Variants in SPATA2 observed in about 807,000 individuals in gnomAD.
SPATA2 encodes spermatogenesis associated 2, also known as spermatogenesis-associated protein 2.
A neutral mutation model predicts 35.4 loss-of-function variants in SPATA2; 8 were observed. The ratio of observed to expected loss-of-function variants is 0.23; its 90% CI spans 0.13 to 0.41. The LOEUF is 0.41. SPATA2 is among the 10% of genes least tolerant of loss of function. SPATA2 has a pLI of 1.00. For missense variants in SPATA2, 650 were observed against 698.7 expected (o/e 0.93, Z 0.79); for synonymous variants, 293 against 300.9 (o/e 0.97, Z 0.27).
rs2090124920 is a variant in SPATA2 at position 49,903,949 on chromosome 20, AT to A, written c.*1669del. 10 of 118,336 alleles carry A rather than the reference AT, an allele frequency of 8.5e-5. No individual in the cohort carries two copies. The highest frequency in any genetic ancestry group is 1.1e-4 in the Non-Finnish European group (6 of 56,254). The allele number at this position is 118,336 out of a possible 1,614,324, so 7.3% of individuals were successfully genotyped here. On this transcript the variant is annotated 3_prime_UTR_variant, in exon 3 of 3. Transcript: ENST00000289431. ...TATATATATATATATATATATATAT[AT>A]ATTAAAAAGAGAGCCATAGAAGATT...
In SPATA2 at chr20:49,903,898, GATAGATATAT is replaced by G. The variant is rs1459724534; in HGVS notation, c.*1711_*1720del. On this transcript the variant is annotated 3_prime_UTR_variant, in exon 3 of 3. Coordinates refer to ENST00000289431, the MANE Select transcript of SPATA2 (RefSeq NM_006038.4). ...CTGTACATCTACATGTGATCTACCA[GATAGATATAT>G]ATATATATATATATATATATATATA... 760 of 86,078 alleles carry G rather than the reference GATAGATATAT, an allele frequency of 8.8e-3. 44 individuals are homozygous for G. Among genetic ancestry groups the G allele is most frequent in the African/African-American group, 0.023 (501 of 21,456 alleles). The allele number at this position is 86,078 out of a possible 1,614,324, so 5.3% of individuals were successfully genotyped here. A position where few individuals can be genotyped will look rare whatever the true frequency, so the allele number is the denominator to read the frequency against.
At position 49,904,865 on chromosome 20, in the gene SPATA2, ATATC is replaced by A. The variant is rs1336526163; in HGVS notation, c.*750_*753del. ...ATTTATTTAAAAATAAATCTCAAAA[ATATC>A]TATTGACAGTACAGTAAGAGGGGCA... On this transcript the variant is annotated 3_prime_UTR_variant, in exon 3 of 3. Coordinates refer to ENST00000289431, the MANE Select transcript of SPATA2 (RefSeq NM_006038.4). 6.6e-6 allele frequency: 1 copy of A among 152,668 alleles called. No homozygotes were observed. Among genetic ancestry groups the A allele is most frequent in the African/African-American group, 2.4e-5 (1 of 41,464 alleles). The allele number at this position is 152,668 out of a possible 1,614,324, so 9.5% of individuals were successfully genotyped here. A position where few individuals can be genotyped will look rare whatever the true frequency, so the allele number is the denominator to read the frequency against.
intron 1 of SPATA2, among the ~76,000 whole-genome samples, chr20:49,912,934 C>T (rs1405382532): frequency 8.0e-6 from 1 of 124,300 alleles, no homozygotes; most frequent in African/African-American, 2.7e-5. Context: ...TAGACTCCGT[C>T]TCTACAAAAA....
At chr20:49,912,000 T>C (rs2090184616) in intron 1 of SPATA2, among the ~76,000 whole-genome samples, 1 of 152,028 alleles carries the variant, frequency 6.6e-6, no homozygotes, top group Non-Finnish European at 1.5e-5. Context: ...GGAATGGGGA[T>C]GGGTGGGACA....
At chr20:49,909,235 C>A (rs538559034) in intron 1 of SPATA2, among the ~76,000 whole-genome samples, 2 of 152,112 alleles carry the variant, frequency 1.3e-5, no homozygotes, top group South Asian at 4.2e-4. Context: ...GTTGGCCAGG[C>A]TGGTCTCGAA....
Position 49,905,546 on chromosome 20 carries a change from T to G in SPATA2, c.*73A>C, listed in dbSNP as rs1263467562. Reference sequence around the variant, plus strand: ...GGCCTCCGCCTCTGAGATCAATGCGTTAGTACTTCTTCACCGTGAAACCCG... The same window carrying G: ...GGCCTCCGCCTCTGAGATCAATGCGGTAGTACTTCTTCACCGTGAAACCCG... On this transcript the variant is annotated 3_prime_UTR_variant, in exon 3 of 3. Transcript: ENST00000289431. 1 of 1,535,998 alleles carries G rather than the reference T, an allele frequency of 6.5e-7. No homozygotes were observed.
In SPATA2 at chr20:49,913,956, C is replaced by A. The variant is rs112504738; in HGVS notation, c.-103+1424G>T. 6.2e-3 allele frequency among the ~76,000 whole-genome samples: 944 copies of A among 151,234 alleles called. 6 individuals are homozygous for A. The highest frequency in any genetic ancestry group is 9.3e-3 in the Non-Finnish European group (631 of 67,944). The stretch of plus-strand genomic sequence containing the variant: ...ACATCGTGGTTACAGGAGACCGAGA[C>A]AGCCCAGCGACAGAAGCTGCTAATT... On this transcript the variant is annotated intron_variant, in intron 1 of 2. Transcript: ENST00000289431.
At chr20:49,907,819 T>C (rs2090157499) in intron 2 of SPATA2, among the ~76,000 whole-genome samples, 1 of 142,532 alleles carries the variant, frequency 7.0e-6, no homozygotes, top group Admixed American at 7.0e-5. Flanking sequence ...ACAGCCTACT[T>C]CCCATACCAC....
chr20:49,910,703 T>A (rs1347779769), intron 1 of SPATA2, among the ~76,000 whole-genome samples: 1 of 151,938 alleles, frequency 6.6e-6, no homozygotes, highest in African/African-American at 2.4e-5. Context: ...TATCAGGAGG[T>A]CAACAAAATC....
chr20:49,906,763 T>C lies in SPATA2; in HGVS notation c.419A>G (p.Tyr140Cys). 6.2e-7 allele frequency: 1 copy of C among 1,614,216 alleles called. No homozygotes were observed. The highest frequency in any genetic ancestry group is 1.7e-5 in the Admixed American group (1 of 60,030). The stretch of plus-strand genomic sequence containing the variant: ...GTATGCAGTGCCCAGCTCAGGTGTG[T>C]AGCCCATGCAGCTCAGGATGGCTCG... Reference protein sequence around the residue: ...DIRAILSCMGYTPELGTAYKL... With the variant: ...DIRAILSCMGCTPELGTAYKL... Residue 140 changes from tyrosine to cysteine, a missense_variant, in exon 3 of 3, where the codon TAC becomes TGC. By Grantham distance (194) the Tyr-to-Cys change is radical (BLOSUM62 -2). Coordinates refer to ENST00000289431, the MANE Select transcript of SPATA2 (RefSeq NM_006038.4). The surrounding 1 kb of genome is among the most constrained non-coding windows in gnomAD (Gnocchi z 8.2).
In SPATA2 at chr20:49,906,897, A is replaced by C. The variant is rs753642159; in HGVS notation, c.337-52T>G. 2 of 1,554,844 alleles carry C rather than the reference A, an allele frequency of 1.3e-6. No individual in the cohort carries two copies. Among genetic ancestry groups the C allele is most frequent in the Non-Finnish European group, 1.7e-6 (2 of 1,148,732 alleles). ...GGTGGGGTTTTCTGTCAGAGACACA[A>C]GACAGAGACTATGTCAAAGCAAAGG... On this transcript the variant is annotated intron_variant, in intron 2 of 2. Transcript: ENST00000289431. The surrounding 1 kb of genome is among the most constrained non-coding windows in gnomAD (Gnocchi z 8.2).
chr20:49,913,633 T>C (rs1021937388), intron 1 of SPATA2: 2 of 152,230 alleles, frequency 1.3e-5, no homozygotes, highest in Admixed American at 6.5e-5. Flanking sequence ...GAATGCCTTA[T>C]GGCGGCGCGA....
chr20:49,915,065 T>C (rs886207025), intron 1 of SPATA2, among the ~76,000 whole-genome samples: 1 of 152,310 alleles, frequency 6.6e-6, no homozygotes, highest in Non-Finnish European at 1.5e-5. Flanking sequence ...TGGGAACCCC[T>C]GCGCGGTAAC....
rs1179756591 is a variant in SPATA2, at chr20:49,906,743, C to T, written c.439G>A (p.Ala147Thr). Reference sequence around the variant, plus strand: ...TCCACGAGCTCTCTGAGCTTGTATGCAGTGCCCAGCTCAGGTGTGTAGCCC... The same window carrying T: ...TCCACGAGCTCTCTGAGCTTGTATGTAGTGCCCAGCTCAGGTGTGTAGCCC... ...CMGYTPELGT[A>T]YKLRELVETL... The change falls in exon 3 of 3, where the codon GCA becomes ACA. Residue 147 changes from alanine (A) to threonine (T), a missense_variant. Coordinates refer to ENST00000289431, the MANE Select transcript of SPATA2 (RefSeq NM_006038.4). The surrounding 1 kb of genome is among the most constrained non-coding windows in gnomAD (Gnocchi z 8.2). 2 of 1,614,218 alleles carry T rather than the reference C, an allele frequency of 1.2e-6. No homozygotes were observed. The highest frequency in any genetic ancestry group is 1.7e-6 in the Non-Finnish European group (2 of 1,180,044).
Position 49,906,625 on chromosome 20 carries a change from T to C in SPATA2, c.557A>G (p.Lys186Arg), listed in dbSNP as rs1192673544. The change falls in exon 3 of 3, where the codon AAG (lysine) becomes AGG (arginine). Residue 186 changes from lysine (K) to arginine (R), a missense_variant. Transcript: ENST00000289431. The surrounding 1 kb of genome is among the most constrained non-coding windows in gnomAD (Gnocchi z 8.2). ...CACAATGTCCAGCTCGGAGTAGCCC[T>C]TGTCCTTCACTTGTGAGTGGATTTC... The part of the protein sequence containing the change: ...MLEIHSQVKD[K>R]GYSELDIVSE... 6.2e-7 allele frequency: 1 copy of C among 1,614,242 alleles called. No homozygotes were observed. Among genetic ancestry groups the C allele is most frequent in the Non-Finnish European group, 8.5e-7 (1 of 1,180,038 alleles).
At position 49,903,935 on chromosome 20, in the gene SPATA2, A is replaced by C. The variant is rs1600851176; in HGVS notation, c.*1684T>G. 8.0e-6 allele frequency: 1 copy of C among 125,770 alleles called. No individual in the cohort carries two copies. Among genetic ancestry groups the C allele is most frequent in the Non-Finnish European group, 1.7e-5 (1 of 59,984 alleles). The allele number at this position is 125,770 out of a possible 1,614,324, so 7.8% of individuals were successfully genotyped here. On this transcript the variant is annotated 3_prime_UTR_variant, in exon 3 of 3. Coordinates refer to ENST00000289431, the MANE Select transcript of SPATA2 (RefSeq NM_006038.4). ...TATATATATATATATATATATATAT[A>C]TATATATATATATATATTAAAAAGA...
Position 49,905,785 on chromosome 20 carries a change from G to C in SPATA2, c.1397C>G (p.Pro466Arg). ...CTGGGTGCAGGTGTTGGTGGCGCCT[G>C]GGCGGTTGCAGAAGCCACAGCGGGA... Reference protein sequence around the residue: ...PTSRCGFCNRPGATNTCTQCS... With the variant: ...PTSRCGFCNRRGATNTCTQCS... The change falls in exon 3 of 3, where the codon CCA (proline) becomes CGA (arginine). Residue 466 changes from proline (P) to arginine (R), a missense_variant. By Grantham distance (103) the Pro-to-Arg change is moderately radical (BLOSUM62 -2). Coordinates refer to ENST00000289431, the MANE Select transcript of SPATA2 (RefSeq NM_006038.4). The C allele has an allele frequency of 6.2e-7, 1 of 1,614,234 alleles. No individual in the cohort carries two copies. Among genetic ancestry groups the C allele is most frequent in the East Asian group, 2.2e-5 (1 of 44,896 alleles).
Position 49,905,332 on chromosome 20 carries a change from CAAAA to C in SPATA2, c.*283_*286del. The C allele has an allele frequency of 2.3e-6, 1 of 440,310 alleles. No homozygotes were observed. Among genetic ancestry groups the C allele is most frequent in the Non-Finnish European group, 4.0e-6 (1 of 247,290 alleles). The allele number at this position is 440,310 out of a possible 1,614,324, so 27.3% of individuals were successfully genotyped here. On this transcript the variant is annotated 3_prime_UTR_variant, in exon 3 of 3. Coordinates refer to ENST00000289431, the MANE Select transcript of SPATA2 (RefSeq NM_006038.4). ...AACAAAACAACAAAACAAAACAAAA[CAAAA>C]CCCCAAAAAAAGAACCAACTGAACA... is the stretch of plus-strand genomic sequence containing the variant.
chr20:49,908,446 T>C lies in SPATA2; in HGVS notation c.45A>G (p.Leu15=). 1 of 1,606,128 alleles carries C rather than the reference T, an allele frequency of 6.2e-7. No homozygotes were observed. The highest frequency in any genetic ancestry group is 8.5e-7 in the Non-Finnish European group (1 of 1,173,262). The change falls in exon 2 of 3, where the codon TTA becomes TTG. Residue 15 remains leucine, a synonymous_variant. Transcript: ENST00000289431. ...SSMDTKFKDD[L]FRKYVQFHES... The stretch of plus-strand genomic sequence containing the variant: ...CATGGAACTGCACGTACTTCCGAAA[T>C]AAGTCATCCTTGAATTTAGTATCCA...
Sources: gnomAD v4.1 joint callset for allele counts (sites outside exome capture counted in the v4.1 genomes callset) on GRCh38, gnomAD v4.1.1 for gene constraint, Gnocchi (gnomAD v3.1) non-coding constraint, MANE v1.5 for transcripts, NCBI Gene and HGNC (gene_info 2026-07-23, HGNC 2026-07-21) for gene names.